PLCB4: variants seen among roughly 807,000 people sequenced by gnomAD.
The protein encoded by PLCB4 is 1-phosphatidylinositol 4,5-bisphosphate phosphodiesterase beta-4.
In PLCB4, 77 loss-of-function variants were observed where a neutral mutation model predicts 178.8. The ratio of observed to expected loss-of-function variants is 0.43; its 90% CI spans 0.36 to 0.52. The LOEUF (loss-of-function observed/expected upper bound fraction) is 0.52, where lower values mean the gene tolerates loss of function less well. PLCB4 is among the 20% of genes least tolerant of loss of function. PLCB4 has a pLI of 0.00. For synonymous variants in PLCB4, 496 were observed against 490.8 expected, an observed-to-expected ratio of 1.01 and a Z score of -0.14; for missense variants, 1,024 against 1,453.4, an observed-to-expected ratio of 0.70 and a Z score of 4.80.
intron 2 of PLCB4, among the ~76,000 whole-genome samples, chr20:9,151,042 T>C (rs1229116781): frequency 6.6e-6 from 1 of 152,108 alleles, no homozygotes; most frequent in African/African-American, 2.4e-5. Flanking sequence ...TCTAAACAAA[T>C]ACAGTAGGCC....
intron 36 of PLCB4, among the ~76,000 whole-genome samples, chr20:9,471,186 A>G (rs1451903372): frequency 6.6e-6 from 1 of 152,222 alleles, no homozygotes; most frequent in Admixed American, 6.5e-5. Context: ...GCCTAGATGC[A>G]TATATTTTTT....
rs2093321240 is a variant in PLCB4 at position 9,185,803 on chromosome 20, G to A, written c.-78-31587G>A. Among the ~76,000 whole-genome samples, 3 of 152,128 alleles carry A rather than the reference G, an allele frequency of 2.0e-5. No homozygotes were observed. In the South Asian group the frequency reaches 6.2e-4, roughly 32 times the overall value. On this transcript the variant is annotated intron_variant, in intron 2 of 39. Coordinates refer to ENST00000378473, the MANE Select transcript of PLCB4 (RefSeq NM_001377142.1). ...TCATCCTGGGGTCTTTGCTGTGGCT[G>A]CTTCCTCTCCCAGTAATGCTCTGCC...
At chr20:9,362,320 C>CTA (rs1378323451) in intron 7 of PLCB4, among the ~76,000 whole-genome samples, 1 of 152,170 alleles carries the variant, frequency 6.6e-6, no homozygotes, top group Non-Finnish European at 1.5e-5. Context: ...ATGGTATGAA[C>CTA]TACAAGTGAG....
intron 3 of PLCB4, among the ~76,000 whole-genome samples, chr20:9,276,056 G>A (rs182114523): frequency 3.9e-5 from 6 of 152,120 alleles, no homozygotes; most frequent in East Asian, 1.9e-4. Flanking sequence ...GAAAGGAAAC[G>A]GATGGCAAAT....
intron 2 of PLCB4, among the ~76,000 whole-genome samples, chr20:9,168,141 C>T (rs1242593346): frequency 6.6e-6 from 1 of 152,148 alleles, no homozygotes; most frequent in Admixed American, 6.5e-5. Flanking sequence ...GATGCACTCT[C>T]CAAAGATACA....
chr20:9,273,675 A>AGTGT (rs398035325), intron 3 of PLCB4, among the ~76,000 whole-genome samples: 14,922 of 135,832 alleles, frequency 0.11, 796 homozygotes, highest in African/African-American at 0.13. Context: ...TTATGGTTGC[A>AGTGT]GTGTGTGTGT....
At chr20:9,074,641 T>C (rs558113827) in intron 1 of PLCB4, among the ~76,000 whole-genome samples, 17 of 152,252 alleles carry the variant, frequency 1.1e-4, no homozygotes, top group Admixed American at 7.2e-4. Flanking sequence ...AGATCTTCCT[T>C]TGGACTTGCC....
chr20:9,117,810 C>T (rs957751232), intron 2 of PLCB4, among the ~76,000 whole-genome samples: 1 of 152,204 alleles, frequency 6.6e-6, no homozygotes, highest in African/African-American at 2.4e-5. Flanking sequence ...ACTACTACCT[C>T]TACCTATCGT....
chr20:9,279,685 T>G (rs762751264), intron 3 of PLCB4, among the ~76,000 whole-genome samples: 2 of 152,064 alleles, frequency 1.3e-5, no homozygotes, highest in African/African-American at 2.4e-5. Flanking sequence ...AAGTAAGATA[T>G]TTTAAAAATT....
At chr20:9,453,141 G>A (rs1233964833) in intron 32 of PLCB4, among the ~76,000 whole-genome samples, 1 of 152,182 alleles carries the variant, frequency 6.6e-6, no homozygotes, top group Admixed American at 6.5e-5. Context: ...ACTAGACTGA[G>A]GCTAGAGACT....
At chr20:9,248,557 G>A (rs1480646408) in intron 3 of PLCB4, among the ~76,000 whole-genome samples, 3 of 152,196 alleles carry the variant, frequency 2.0e-5, no homozygotes, top group African/African-American at 7.2e-5. Flanking sequence ...AAAAGGGCCA[G>A]CAGCCTTTTG....
intron 28 of PLCB4, among the ~76,000 whole-genome samples, chr20:9,433,500 A>G (rs1022615081): frequency 2.0e-5 from 3 of 152,348 alleles, no homozygotes; most frequent in African/African-American, 7.2e-5. Flanking sequence ...TTAGAGCTGC[A>G]GAGACAAGTT....
chr20:9,132,712 AT>A (rs1249963926), intron 2 of PLCB4, among the ~76,000 whole-genome samples: 1 of 152,088 alleles, frequency 6.6e-6, no homozygotes, highest in Non-Finnish European at 1.5e-5. Context: ...ACTGCATTTC[AT>A]TCTCTACATT....
chr20:9,103,832 G>A (rs999314156), intron 2 of PLCB4, among the ~76,000 whole-genome samples: 3 of 152,146 alleles, frequency 2.0e-5, no homozygotes, highest in African/African-American at 7.2e-5. Context: ...AATTATAATT[G>A]TTTAATTTTA....
At chr20:9,120,530 T>C (rs971131494) in intron 2 of PLCB4, among the ~76,000 whole-genome samples, 2 of 152,122 alleles carry the variant, frequency 1.3e-5, no homozygotes, top group African/African-American at 4.8e-5. Flanking sequence ...TACTAGTTGC[T>C]CTGTATTCTA....
intron 35 of PLCB4, among the ~76,000 whole-genome samples, chr20:9,464,613 C>T (rs942440153): frequency 5.3e-5 from 8 of 151,976 alleles, no homozygotes; most frequent in Admixed American, 1.3e-4. Flanking sequence ...ACCACCGATC[C>T]CACAGAAATA....
intron 4 of PLCB4, among the ~76,000 whole-genome samples, chr20:9,334,905 G>A (rs1393556455): frequency 1.3e-5 from 2 of 152,074 alleles, no homozygotes; most frequent in East Asian, 3.8e-4. Flanking sequence ...ACTCAGGGGG[G>A]AAGGAAGAAA....
intron 38 of PLCB4, among the ~76,000 whole-genome samples, chr20:9,473,664 G>A (rs547415529): frequency 1.3e-5 from 2 of 152,288 alleles, no homozygotes; most frequent in Admixed American, 6.5e-5. Context: ...AGATTACGAA[G>A]TATTTCTCCA....
At chr20:9,391,865 G>T (rs1001596800) in intron 17 of PLCB4, among the ~76,000 whole-genome samples, 2 of 151,960 alleles carry the variant, frequency 1.3e-5, no homozygotes. Context: ...TGCCTTCCAG[G>T]GTTTCCCAGC....
Sources: gnomAD v4.1 joint callset for allele counts (sites outside exome capture counted in the v4.1 genomes callset) on GRCh38, gnomAD v4.1.1 for gene constraint, MANE v1.5 for transcripts, NCBI Gene and HGNC (gene_info 2026-07-23, HGNC 2026-07-21) for gene names.